The following MYH11 variants were observed in gnomAD, a reference collection of about 807,000 sequenced individuals.
The protein encoded by MYH11 is myosin heavy chain 11, also known as myosin-11.
MYH11 carries 80 observed loss-of-function variants against 246.6 expected under a neutral mutation model. That is an observed-to-expected ratio of 0.32 (90% CI 0.27 to 0.39). MYH11 has a LOEUF of 0.39. Ranked by LOEUF, MYH11 falls within the 10% of genes least tolerant of loss-of-function variation. The pLI, the probability that MYH11 is intolerant of heterozygous loss-of-function variation, is 1.00. For missense variants in MYH11, 2,158 were observed against 2,546.8 expected (o/e 0.85, Z 3.29); for synonymous variants, 1,071 against 1,015.5 (o/e 1.05, Z -1.04).
intron 8 of MYH11, 175 bp downstream of exon 8, chr16:15,775,903 A>C (rs550001559): frequency 3.0e-6 from 2 of 669,658 alleles, no homozygotes; most frequent in Admixed American, 2.1e-5. Flanking sequence ...GAATGACTGA[A>C]CACAAGCCAC....
At chr16:15,781,264 A>G (rs1352339802) in intron 6 of MYH11, among the ~76,000 whole-genome samples, 1 of 152,162 alleles carries the variant, frequency 6.6e-6, no homozygotes, top group Non-Finnish European at 1.5e-5. Context: ...TATTCCAGTT[A>G]GGGCATTATG....
At chr16:15,741,436 C>T (rs771942377) in intron 22 of MYH11, 27 bp downstream of exon 22, 7 of 1,604,066 alleles carry the variant, frequency 4.4e-6, no homozygotes, top group Non-Finnish European at 5.9e-6. Context: ...TTGCTACCCA[C>T]CACGGGCTGC....
chr16:15,753,813 T>C (rs1438691263), intron 14 of MYH11, among the ~76,000 whole-genome samples: 4 of 152,130 alleles, frequency 2.6e-5, no homozygotes, highest in African/African-American at 9.7e-5. Flanking sequence ...ACAGTACCTG[T>C]GAGTTATACA....
intron 9 of MYH11, among the ~76,000 whole-genome samples, chr16:15,770,967 A>G (rs1413940104): frequency 6.6e-6 from 1 of 151,600 alleles, no homozygotes; most frequent in African/African-American, 2.4e-5. Flanking sequence ...GAACACCTAG[A>G]TCTCACTGTA....
chr16:15,708,859 T>A, intron 40 of MYH11: 1 of 1,608,100 alleles, frequency 6.2e-7, no homozygotes, highest in Non-Finnish European at 8.5e-7. Flanking sequence ...AGAGAGAGAA[T>A]CCCCGGAGGT....
In MYH11 at chr16:15,792,994, C is replaced by T. The variant is rs527730289; in HGVS notation, c.530+5666G>A. Among the ~76,000 whole-genome samples, 14 of 152,282 alleles carry T rather than the reference C, an allele frequency of 9.2e-5. No individual in the cohort carries two copies. In the South Asian group the frequency reaches 2.7e-3, roughly 29 times the overall value. The stretch of plus-strand genomic sequence containing the variant: ...AAGCGATCAGCCTGCCTTGGCCTCC[C>T]GAAGTGCTAGGATTACAGGCATGAG... On this transcript the variant is annotated intron_variant, in intron 4 of 40. Transcript: ENST00000300036.
At chr16:15,726,181 ACATTCATTTGT>A in intron 28 of MYH11, 2 of 155,350 alleles carry the variant, frequency 1.3e-5, no homozygotes, top group African/African-American at 4.8e-5. Context: ...GCATCATTTG[ACATTCATTTGT>A]GTGATTATTC....
chr16:15,832,809 T>C (rs1054167613), intron 2 of MYH11, among the ~76,000 whole-genome samples: 3 of 152,016 alleles, frequency 2.0e-5, no homozygotes, highest in African/African-American at 7.2e-5. Flanking sequence ...TCTAAGCCTA[T>C]TACCCCAAGA....
intron 20 of MYH11, 89 bp downstream of exon 20, chr16:15,745,040 C>T (rs1391678173): frequency 7.9e-6 from 8 of 1,017,674 alleles, no homozygotes; most frequent in East Asian, 7.1e-5. Context: ...CACCCACTTG[C>T]GACCACCTCC....
intron 10 of MYH11, 55 bp downstream of exon 10, chr16:15,763,741 T>TGGGGGCCCCCCCCCCCCCCCCCC: frequency 3.1e-6 from 2 of 646,858 alleles, no homozygotes; most frequent in Non-Finnish European, 5.8e-6. Context: ...AAATGTCACC[T>TGGGGGCCCCCCCCCCCCCCCCCC]CCCCCACCCC....
At chr16:15,766,344 G>GGGGTGTGTGTGTGTGTGT (rs1555564406) in intron 9 of MYH11, among the ~76,000 whole-genome samples, 1 of 136,688 alleles carries the variant, frequency 7.3e-6, no homozygotes, top group African/African-American at 2.8e-5. Context: ...CATGTTTTTT[G>GGGGTGTGTGTGTGTGTGT]GTGTGTGTGT....
At chr16:15,744,558 G>A (rs749134907) in intron 20 of MYH11, among the ~76,000 whole-genome samples, 7 of 151,366 alleles carry the variant, frequency 4.6e-5, no homozygotes, top group Admixed American at 3.3e-4. Flanking sequence ...AGGCTGGAGT[G>A]CAGGCATGAT....
intron 16 of MYH11, among the ~76,000 whole-genome samples, chr16:15,748,479 C>T (rs2041479799): frequency 6.6e-6 from 1 of 152,206 alleles, no homozygotes. Flanking sequence ...AGTTTGATTG[C>T]TTCTAGCTCC....
chr16:15,710,971 C>T (rs1255647390), intron 40 of MYH11: 2 of 152,464 alleles, frequency 1.3e-5, no homozygotes, highest in Admixed American at 1.3e-4. Flanking sequence ...AGCCACCGCG[C>T]TTTGCCCCAG....
At position 15,721,520 on chromosome 16, in the gene MYH11, C is replaced by T. The variant is rs375969176; in HGVS notation, c.4480G>A (p.Glu1494Lys). The T allele has an allele frequency of 2.2e-5, 35 of 1,614,092 alleles. No homozygotes were observed. Among genetic ancestry groups the T allele is most frequent in the Non-Finnish European group, 3.0e-5 (35 of 1,180,046 alleles). ...KALSLARALE[E>K]ALEAKEELER... ...AGTTCCTCTTTGGCTTCCAAGGCCT[C>T]TTCAAGGGCCCGAGCCAGGGACAGG... The change falls in exon 32 of 41, where the codon GAG (glutamate) becomes AAG (lysine). Residue 1494 changes from glutamate to lysine, a missense_variant. By Grantham distance (56) the Glu-to-Lys change is moderately conservative (BLOSUM62 1). Around this residue, in one of 11 missense-constraint regions of MYH11, gnomAD observed 1,013 missense variants for 993.5 expected, o/e 1.02. Coordinates refer to ENST00000300036, the MANE Select transcript of MYH11 (RefSeq NM_002474.3).
intron 10 of MYH11, among the ~76,000 whole-genome samples, chr16:15,763,092 C>T (rs997491616): frequency 6.6e-6 from 1 of 152,076 alleles, no homozygotes; most frequent in African/African-American, 2.4e-5. Flanking sequence ...AACAAGAATA[C>T]TCTTTTGGTA....
intron 20 of MYH11, 152 bp from the exon 21 acceptor site, chr16:15,742,043 G>T: frequency 8.0e-7 from 1 of 1,253,390 alleles, no homozygotes; most frequent in Non-Finnish European, 1.1e-6. Flanking sequence ...GATTGTCACA[G>T]CTGGGGTGGG....
chr16:15,849,505 G>C (rs754184091), intron 1 of MYH11, among the ~76,000 whole-genome samples: 1 of 151,968 alleles, frequency 6.6e-6, no homozygotes, highest in Non-Finnish European at 1.5e-5. Flanking sequence ...GAAGTGGCGC[G>C]ATCTCTGCTT....
chr16:15,797,048 G>C (rs562384247), intron 4 of MYH11, among the ~76,000 whole-genome samples: 6 of 152,192 alleles, frequency 3.9e-5, no homozygotes, highest in Non-Finnish European at 7.3e-5. Context: ...ATTCTGGTTA[G>C]ATAAATACTC....
Sources: gnomAD v4.1 joint callset for allele counts (sites outside exome capture counted in the v4.1 genomes callset) on GRCh38, gnomAD v4.1.1 for gene constraint, gnomAD v4.1.1 regional missense constraint, MANE v1.5 for transcripts, NCBI Gene and HGNC (gene_info 2026-07-23, HGNC 2026-07-21) for gene names.